Variants in AZIN1 observed in about 807,000 individuals in gnomAD.
The protein encoded by AZIN1 is ornithine decarboxylase antizyme inhibitor.
AZIN1 carries 12 observed loss-of-function variants against 47.4 expected under a neutral mutation model. That is an observed-to-expected ratio of 0.25 (90% CI 0.16 to 0.41). AZIN1 has a LOEUF of 0.41. Ranked by LOEUF, AZIN1 falls within the 10% of genes least tolerant of loss-of-function variation. The pLI is 1.00. For missense variants in AZIN1, 410 were observed against 532.4 expected, an observed-to-expected ratio of 0.77 and a Z score of 2.26; for synonymous variants, 155 against 176.3, an observed-to-expected ratio of 0.88 and a Z score of 0.96.
Position 102,827,644 on chromosome 8 carries a change from A to C in AZIN1, c.*923T>G, listed in dbSNP as rs866142285. 1.3e-5 allele frequency: 2 copies of C among 152,560 alleles called. No individual in the cohort carries two copies. The highest frequency in any genetic ancestry group is 1.3e-4 in the Admixed American group (2 of 15,268). The allele number at this position is 152,560 out of a possible 1,614,324, so 9.5% of individuals were successfully genotyped here. On this transcript the variant is annotated 3_prime_UTR_variant, in exon 12 of 12. Coordinates refer to ENST00000337198, the MANE Select transcript of AZIN1 (RefSeq NM_148174.4). Reference sequence around the variant, plus strand: ...TTCAAAGTATTTAACAGAATCTTCCATTTCAGCCAAAAGATTGTGATTCAA... The same window carrying C: ...TTCAAAGTATTTAACAGAATCTTCCCTTTCAGCCAAAAGATTGTGATTCAA...
chr8:102,840,313 A>G (rs970403628), intron 3 of AZIN1, among the ~76,000 whole-genome samples: 12 of 152,230 alleles, frequency 7.9e-5, no homozygotes, highest in African/African-American at 2.9e-4. Flanking sequence ...ATGGTAAAAT[A>G]AGAGACCATC....
chr8:102,838,979 C>A (rs1052612567), intron 4 of AZIN1, 63 bp from the exon 5 acceptor site: 8 of 1,421,752 alleles, frequency 5.6e-6, no homozygotes, highest in Non-Finnish European at 7.7e-6. Flanking sequence ...GTAATGCTTC[C>A]TCTAATACTA....
At chr8:102,845,135 A>ACC (rs1812488155) in intron 2 of AZIN1, among the ~76,000 whole-genome samples, 1 of 106,118 alleles carries the variant, frequency 9.4e-6, no homozygotes, top group Non-Finnish European at 2.0e-5. Flanking sequence ...TCCTCCCACC[A>ACC]CCCCCCTCCA....
intron 8 of AZIN1, among the ~76,000 whole-genome samples, chr8:102,833,753 ATTT>A (rs11355998): frequency 0.11 from 14,255 of 130,578 alleles, 1,027 homozygotes; most frequent in Admixed American, 0.22. Context: ...GAAAGACTCA[ATTT>A]TTTTTTTTTT....
chr8:102,859,509 C>A (rs1050587488), intron 1 of AZIN1, among the ~76,000 whole-genome samples: 3 of 152,172 alleles, frequency 2.0e-5, no homozygotes, highest in Non-Finnish European at 4.4e-5. Context: ...ACAACATTTC[C>A]ATTTAACAAA....
intron 1 of AZIN1, among the ~76,000 whole-genome samples, chr8:102,861,518 G>GTT (rs1813651424): frequency 6.6e-6 from 1 of 151,580 alleles, no homozygotes; most frequent in African/African-American, 2.4e-5. Context: ...CACCGCGCCC[G>GTT]GCCTAATAAA....
At chr8:102,860,678 T>C (rs993522984) in intron 1 of AZIN1, among the ~76,000 whole-genome samples, 1 of 152,210 alleles carries the variant, frequency 6.6e-6, no homozygotes, top group Admixed American at 6.5e-5. Flanking sequence ...CAAACCACCG[T>C]GCCCAACTAC....
At chr8:102,862,030 CAA>C (rs879368746) in intron 1 of AZIN1, among the ~76,000 whole-genome samples, 1 of 137,090 alleles carries the variant, frequency 7.3e-6, no homozygotes, top group African/African-American at 2.7e-5. Context: ...AGCTAGACTC[CAA>C]AAAAAAAAAA....
At chr8:102,830,401 CAAAAAAA>C (rs34437491) in intron 9 of AZIN1, among the ~76,000 whole-genome samples, 4 of 90,582 alleles carry the variant, frequency 4.4e-5, no homozygotes, top group East Asian at 3.2e-4. Context: ...GACCCTGTCT[CAAAAAAA>C]AAAAAAAAAA....
chr8:102,830,623 AAC>A (rs1811384902), intron 9 of AZIN1, among the ~76,000 whole-genome samples: 1 of 151,224 alleles, frequency 6.6e-6, no homozygotes, highest in African/African-American at 2.4e-5. Context: ...CAGCCTGGAT[AAC>A]AGAGCAAAAA....
Position 102,839,685 on chromosome 8 carries a change from C to A in AZIN1, c.241G>T (p.Ala81Ser). The A allele has an allele frequency of 6.3e-7, 1 of 1,588,658 alleles. No homozygotes were observed. Among genetic ancestry groups the A allele is most frequent in the Non-Finnish European group, 8.6e-7 (1 of 1,167,502 alleles). ...CAAGCAAATCCGGTTCCAAGAGCTGCCAAAATCTCAAGTACAGCTGGAGCA... is the reference window on the plus strand; with the variant it reads ...CAAGCAAATCCGGTTCCAAGAGCTGACAAAATCTCAAGTACAGCTGGAGCA... Reference protein sequence around the residue: ...NSAPAVLEILAALGTGFACSS... With the variant: ...NSAPAVLEILSALGTGFACSS... The change falls in exon 4 of 12, where the codon GCA (alanine) becomes TCA (serine). Residue 81 changes from alanine (A) to serine (S), a missense_variant. Coordinates refer to ENST00000337198, the MANE Select transcript of AZIN1 (RefSeq NM_148174.4).
intron 2 of AZIN1, among the ~76,000 whole-genome samples, chr8:102,852,643 T>C (rs1812986843): frequency 6.6e-6 from 1 of 152,200 alleles, no homozygotes; most frequent in South Asian, 2.1e-4. Flanking sequence ...ACAACGTGGC[T>C]GGACCTCATG....
chr8:102,834,214 G>A lies in AZIN1; in HGVS notation c.716C>T (p.Thr239Met), dbSNP rs748201398. The A allele has an allele frequency of 9.9e-6, 16 of 1,612,490 alleles. No individual in the cohort carries two copies. The highest frequency in any genetic ancestry group is 6.7e-5 in the East Asian group (3 of 44,804). ...CTCTTCCAATTGAAATTCAGTTCCC[G>A]TGAATCCTCCACCAATGTCTAACAT... ...MNMLDIGGGF[T>M]GTEFQLEEVN... Residue 239 changes from threonine (T) to methionine (M), a missense_variant, in exon 8 of 12, where the codon ACG (threonine) becomes ATG (methionine). Thr to Met is a moderately conservative substitution (Grantham distance 81). Transcript: ENST00000337198.
intron 2 of AZIN1, chr8:102,854,620 A>ATTTTTT: frequency 1.4e-5 from 2 of 140,524 alleles, no homozygotes; most frequent in Non-Finnish European, 3.1e-5. Context: ...ATATATATAT[A>ATTTTTT]TATATATTTT....
At chr8:102,848,614 A>G (rs1405383320) in intron 2 of AZIN1, among the ~76,000 whole-genome samples, 1 of 152,124 alleles carries the variant, frequency 6.6e-6, no homozygotes, top group Non-Finnish European at 1.5e-5. Context: ...AGTATTTCCA[A>G]CTGAAAAGGG....
At chr8:102,856,967 C>T (rs1031317842) in intron 2 of AZIN1, among the ~76,000 whole-genome samples, 1 of 152,142 alleles carries the variant, frequency 6.6e-6, no homozygotes, top group Middle Eastern at 3.2e-3. Context: ...CAGTAATACA[C>T]TCAAAAAAAG....
rs181177003 is a variant in AZIN1 at position 102,839,965 on chromosome 8, T to C, written c.103-142A>G. On this transcript the variant is annotated intron_variant, in intron 3 of 11. Transcript: ENST00000337198. ...TACATACAGTAATACATTTAAAGCTTGTTAACTAGATTTAGTAAACATTAA... is the reference window on the plus strand; with the variant it reads ...TACATACAGTAATACATTTAAAGCTCGTTAACTAGATTTAGTAAACATTAA... The C allele has an allele frequency of 2.3e-5, 11 of 484,152 alleles. No homozygotes were observed. In the East Asian group the frequency reaches 3.3e-4, roughly 14 times the overall value. 30.0% of individuals were successfully genotyped at this position (484,152 alleles called of 1,614,324 possible).
intron 2 of AZIN1, 28 bp from the exon 3 acceptor site, chr8:102,843,775 C>T (rs995597981): frequency 7.1e-7 from 1 of 1,415,740 alleles, no homozygotes; most frequent in Non-Finnish European, 9.3e-7. Context: ...ATATAAAAGT[C>T]TGTATTATTT....
chr8:102,828,686 G>GA lies in AZIN1; in HGVS notation c.1236-9dup, dbSNP rs754484585. ...GCATCTTGCATCTCATACCTACGTA[G>GA]AAAAAAAATCAGCTAAATTCTCAGT... is the stretch of plus-strand genomic sequence containing the variant. On this transcript the variant is annotated splice_polypyrimidine_tract_variant and intron_variant, in intron 11 of 11. Transcript: ENST00000337198. 105 of 1,574,418 alleles carry GA rather than the reference G, an allele frequency of 6.7e-5. No homozygotes were observed. Among genetic ancestry groups the GA allele is most frequent in the African/African-American group, 6.6e-4 (49 of 73,872 alleles).
Sources: allele counts gnomAD v4.1 joint callset (sites outside exome capture counted in the v4.1 genomes callset), GRCh38; gene constraint gnomAD v4.1.1; transcripts MANE v1.5; gene names NCBI Gene and HGNC (gene_info 2026-07-23, HGNC 2026-07-21).